The following PTPRD variants were observed in gnomAD, a reference collection of about 807,000 sequenced individuals.
The protein encoded by PTPRD is protein tyrosine phosphatase receptor type D.
In PTPRD, 34 loss-of-function variants were observed where a neutral mutation model predicts 214.5. That is an observed-to-expected ratio of 0.16 (90% confidence interval 0.12 to 0.21). The LOEUF is 0.21. Among genes scored for constraint, PTPRD ranks in the 10% least tolerant of loss-of-function variants. The probability of loss-of-function intolerance (pLI) is 1.00; values close to 1 mark genes in which losing one functional copy is unlikely to be tolerated. For missense variants in PTPRD, 2,545 were observed against 2,398.7 expected (o/e 1.06, Z -1.27); for synonymous variants, 1,128 against 845.7 (o/e 1.33, Z -5.79).
chr9:10,115,525 C>T (rs2098723550), intron 3 of PTPRD, among the ~76,000 whole-genome samples: 1 of 152,030 alleles, frequency 6.6e-6, no homozygotes, highest in African/African-American at 2.4e-5. Flanking sequence ...GAAAGTTAAC[C>T]CACAACTTGC....
intron 8 of PTPRD, among the ~76,000 whole-genome samples, chr9:9,545,507 C>T (rs2078583852): frequency 6.6e-6 from 1 of 151,844 alleles, no homozygotes; most frequent in East Asian, 1.9e-4. Flanking sequence ...TATCCATTCA[C>T]CTATTAAAGA....
intron 2 of PTPRD, among the ~76,000 whole-genome samples, chr9:10,600,983 C>T (rs976088094): frequency 2.0e-5 from 3 of 151,634 alleles, no homozygotes; most frequent in African/African-American, 7.3e-5. Context: ...TCAATTTAAA[C>T]TTCAAGGTGT....
At chr9:8,633,258 CA>C (rs2096310156) in intron 14 of PTPRD, 58 bp downstream of exon 14, 4 of 1,573,840 alleles carry the variant, frequency 2.5e-6, no homozygotes, top group Non-Finnish European at 3.5e-6. Flanking sequence ...AATGATGCTA[CA>C]AAAGAGATAC....
At chr9:8,927,956 C>A (rs1050073290) in intron 11 of PTPRD, among the ~76,000 whole-genome samples, 1 of 152,118 alleles carries the variant, frequency 6.6e-6, no homozygotes, top group Non-Finnish European at 1.5e-5. Flanking sequence ...CTCTAATGAC[C>A]AGTGATGATG....
intron 8 of PTPRD, among the ~76,000 whole-genome samples, chr9:9,542,500 TATC>T (rs372102151): frequency 5.3e-5 from 8 of 151,872 alleles, no homozygotes; most frequent in Admixed American, 4.0e-4. Flanking sequence ...CATCAAAAGA[TATC>T]ATTAAAAAGA....
intron 11 of PTPRD, among the ~76,000 whole-genome samples, chr9:8,751,769 A>C (rs115291810): frequency 6.6e-6 from 1 of 152,304 alleles, no homozygotes; most frequent in Admixed American, 6.5e-5. Context: ...GTTTCTTATT[A>C]GTTACCTAAA....
intron 5 of PTPRD, among the ~76,000 whole-genome samples, chr9:9,770,652 T>A (rs1046524524): frequency 3.3e-5 from 5 of 152,126 alleles, no homozygotes; most frequent in African/African-American, 1.2e-4. Flanking sequence ...TATGAATGTT[T>A]TCTTAATATT....
At chr9:10,342,963 C>A (rs2096971851) in intron 2 of PTPRD, among the ~76,000 whole-genome samples, 1 of 152,028 alleles carries the variant, frequency 6.6e-6, no homozygotes, top group South Asian at 2.1e-4. Flanking sequence ...GACCTCCATA[C>A]CTCTTGTTTG....
In PTPRD at chr9:9,142,021, T is replaced by C. The variant is rs995704543; in HGVS notation, c.-143+41283A>G. 5.9e-5 allele frequency among the ~76,000 whole-genome samples: 9 copies of C among 152,358 alleles called. No homozygotes were observed. In the East Asian group the frequency reaches 1.5e-3, roughly 26 times the overall value. On this transcript the variant is annotated intron_variant, in intron 10 of 45. Transcript: ENST00000381196. ...TTCATCCTTATAGCGATTATCTTAG[T>C]AGAGCTCCATTAGGAAATTAAAACT...
At chr9:9,632,551 C>A (rs2095626446) in intron 7 of PTPRD, among the ~76,000 whole-genome samples, 1 of 151,544 alleles carries the variant, frequency 6.6e-6, no homozygotes, top group Non-Finnish European at 1.5e-5. Flanking sequence ...AAATGGTGCA[C>A]TTGGTATGTG....
At chr9:9,519,835 A>G (rs1338150742) in intron 8 of PTPRD, among the ~76,000 whole-genome samples, 1 of 152,120 alleles carries the variant, frequency 6.6e-6, no homozygotes, top group Non-Finnish European at 1.5e-5. Flanking sequence ...GTTATCATAT[A>G]AAACCGAACA....
At chr9:8,942,284 G>C (rs1001692959) in intron 11 of PTPRD, among the ~76,000 whole-genome samples, 1 of 152,086 alleles carries the variant, frequency 6.6e-6, no homozygotes. Context: ...GCAATTGTTA[G>C]GTTTAAATTC....
At chr9:9,571,390 T>C (rs73641317) in intron 8 of PTPRD, among the ~76,000 whole-genome samples, 1 of 151,496 alleles carries the variant, frequency 6.6e-6, no homozygotes, top group African/African-American at 2.4e-5. Flanking sequence ...CAGTATTCTG[T>C]AGTTAATACT....
intron 37 of PTPRD, among the ~76,000 whole-genome samples, chr9:8,385,847 C>T (rs937520338): frequency 2.0e-5 from 3 of 152,158 alleles, no homozygotes; most frequent in African/African-American, 7.2e-5. Flanking sequence ...CTGAGCTCCT[C>T]TCTCCTCTTG....
chr9:9,609,001 T>C (rs538110542), intron 7 of PTPRD, among the ~76,000 whole-genome samples: 7 of 152,306 alleles, frequency 4.6e-5, no homozygotes, highest in African/African-American at 1.7e-4. Flanking sequence ...ATTGTGATTA[T>C]ACCCAATTTC....
intron 2 of PTPRD, among the ~76,000 whole-genome samples, chr9:10,476,501 T>C (rs535715582): frequency 1.3e-5 from 2 of 151,324 alleles, no homozygotes; most frequent in East Asian, 2.0e-4. Context: ...CACAAACAAA[T>C]GGAAAAAACA....
At chr9:8,760,053 C>G (rs981967751) in intron 11 of PTPRD, among the ~76,000 whole-genome samples, 1 of 152,174 alleles carries the variant, frequency 6.6e-6, no homozygotes, top group Admixed American at 6.5e-5. Flanking sequence ...TAGCTGGAAT[C>G]TAAGGTAGCT....
At chr9:9,946,964 A>G (rs183836304) in intron 4 of PTPRD, among the ~76,000 whole-genome samples, 5 of 152,018 alleles carry the variant, frequency 3.3e-5, no homozygotes, top group African/African-American at 1.2e-4. Context: ...ATATATATTA[A>G]AATCCTGATT....
At chr9:9,777,346 C>G (rs4742617) in intron 5 of PTPRD, among the ~76,000 whole-genome samples, 4 of 151,906 alleles carry the variant, frequency 2.6e-5, no homozygotes, top group African/African-American at 9.7e-5. Flanking sequence ...CACACACACA[C>G]ACACACACCC....
Sources: allele counts gnomAD v4.1 joint callset (sites outside exome capture counted in the v4.1 genomes callset), GRCh38; gene constraint gnomAD v4.1.1; transcripts MANE v1.5; gene names NCBI Gene and HGNC (gene_info 2026-07-23, HGNC 2026-07-21).